Variants in MYO18B observed in about 807,000 individuals in gnomAD.
The protein encoded by MYO18B is unconventional myosin-XVIIIb.
A neutral mutation model predicts 273.0 loss-of-function variants in MYO18B; 204 were observed. The ratio of observed to expected loss-of-function variants is 0.75; its 90% CI spans 0.67 to 0.84. The LOEUF (loss-of-function observed/expected upper bound fraction) is 0.84, where lower values mean the gene tolerates loss of function less well. Among genes scored for constraint, MYO18B ranks in the 40% least tolerant of loss-of-function variants. The pLI is 0.00. For missense variants in MYO18B, 3,212 were observed against 3,287.6 expected (o/e 0.98, Z 0.56); for synonymous variants, 1,330 against 1,305.7 (o/e 1.02, Z -0.40).
intron 25 of MYO18B, among the ~76,000 whole-genome samples, chr22:25,880,501 G>A (rs2091306616): frequency 6.6e-6 from 1 of 152,106 alleles, no homozygotes; most frequent in South Asian, 2.1e-4. Flanking sequence ...CCCTAGGTAA[G>A]TGTTTTACAT....
At position 25,768,187 on chromosome 22, in the gene MYO18B, T is replaced by C. The variant is rs2086573813; in HGVS notation, c.271T>C (p.Ser91Pro). Reference protein sequence around the residue: ...SGTRSGSQQISQDDQSSSPGS... With the variant: ...SGTRSGSQQIPQDDQSSSPGS... ...CACCAGATCTGGAAGCCAGCAGATC[T>C]CTCAGGACGACCAGTCAAGCTCTCC... is the stretch of plus-strand genomic sequence containing the variant. The change falls in exon 4 of 44, where the codon TCT becomes CCT. Residue 91 changes from serine (S) to proline (P), a missense_variant. Ser to Pro is a moderately conservative substitution (Grantham distance 74, BLOSUM62 -1). Transcript: ENST00000335473. 6.2e-7 allele frequency: 1 copy of C among 1,613,646 alleles called. No individual in the cohort carries two copies. The highest frequency in any genetic ancestry group is 8.5e-7 in the Non-Finnish European group (1 of 1,179,830).
intron 39 of MYO18B, among the ~76,000 whole-genome samples, chr22:25,978,592 C>G (rs2093117823): frequency 6.6e-6 from 1 of 152,186 alleles, no homozygotes; most frequent in Non-Finnish European, 1.5e-5. Flanking sequence ...AGAGATTCCT[C>G]CTTGGAGGCT....
chr22:25,902,705 G>A lies in MYO18B; in HGVS notation c.4916G>A (p.Trp1639Ter). The change falls in exon 30 of 44, where the codon TGG becomes TAG. Residue 1639 changes from tryptophan (W) to a stop codon, truncating the protein, a stop_gained. Coordinates refer to ENST00000335473, the MANE Select transcript of MYO18B (RefSeq NM_032608.7). LOFTEE classifies it high-confidence loss of function. ...ACCCAGGAGAACACCAGTGTCCGGT[G>A]GGAGCTAGGCCAGCTTCAGCAGCAG... ...KVTQENTSVR[W>*]ELGQLQQQLK... The A allele has an allele frequency of 6.3e-7, 1 of 1,590,724 alleles. No individual in the cohort carries two copies. The highest frequency in any genetic ancestry group is 8.6e-7 in the Non-Finnish European group (1 of 1,168,126).
chr22:25,812,893 A>G (rs1388116565), intron 12 of MYO18B, among the ~76,000 whole-genome samples: 2 of 152,138 alleles, frequency 1.3e-5, no homozygotes, highest in African/African-American at 2.4e-5. Flanking sequence ...GACTCGAATC[A>G]TGGTCACCTG....
intron 36 of MYO18B, among the ~76,000 whole-genome samples, chr22:25,948,527 T>C (rs9306418): frequency 0.012 from 1,283 of 110,246 alleles, 41 homozygotes; most frequent in African/African-American, 0.017. Flanking sequence ...CTTCTTTCTT[T>C]CTTCCTTCCT....
intron 12 of MYO18B, among the ~76,000 whole-genome samples, chr22:25,814,389 G>A (rs567249372): frequency 7.0e-5 from 9 of 128,792 alleles, no homozygotes; most frequent in East Asian, 4.7e-4. Context: ...GCACGATCTC[G>A]GCCCTCTGCA....
chr22:25,949,525 G>A (rs148301693), intron 36 of MYO18B, among the ~76,000 whole-genome samples: 1 of 152,304 alleles, frequency 6.6e-6, no homozygotes, highest in East Asian at 1.9e-4. Flanking sequence ...CCATCCAGAG[G>A]AGAGCCGGGG....
At chr22:25,873,086 A>G (rs1201227737) in intron 22 of MYO18B, among the ~76,000 whole-genome samples, 1 of 152,174 alleles carries the variant, frequency 6.6e-6, no homozygotes, top group Non-Finnish European at 1.5e-5. Context: ...CCTGGCCCAG[A>G]AGCTTCAGGT....
At chr22:25,970,167 TACC>T (rs1347840774) in intron 39 of MYO18B, among the ~76,000 whole-genome samples, 1 of 151,886 alleles carries the variant, frequency 6.6e-6, no homozygotes, top group Non-Finnish European at 1.5e-5. Flanking sequence ...TCACCATCAT[TACC>T]ACCACCACCA....
At chr22:25,770,200 T>C in intron 5 of MYO18B, 24 bp downstream of exon 5, 8 of 1,612,208 alleles carry the variant, frequency 5.0e-6, no homozygotes, top group East Asian at 2.2e-5. Flanking sequence ...TTAGCACCTT[T>C]GGAGGGTCTG....
At chr22:25,790,959 A>G (rs1020887763) in intron 11 of MYO18B, among the ~76,000 whole-genome samples, 1 of 152,162 alleles carries the variant, frequency 6.6e-6, no homozygotes, top group African/African-American at 2.4e-5. Context: ...TCAGTGGGTG[A>G]ACTCACTCAA....
chr22:25,999,540 TCTTCCC>T (rs1269193328), intron 40 of MYO18B, among the ~76,000 whole-genome samples: 7 of 15,844 alleles, frequency 4.4e-4, no homozygotes, highest in African/African-American at 8.3e-4. Flanking sequence ...CTCCTCCCCC[TCTTCCC>T]CCTCCCCCTC....
intron 8 of MYO18B, among the ~76,000 whole-genome samples, chr22:25,778,607 GTAGC>G (rs1249166800): frequency 6.6e-6 from 1 of 151,978 alleles, no homozygotes; most frequent in African/African-American, 2.4e-5. Flanking sequence ...AGCCTCCTGA[GTAGC>G]TGGGACTACA....
chr22:25,977,596 G>C (rs932100731), intron 39 of MYO18B, among the ~76,000 whole-genome samples: 1 of 152,142 alleles, frequency 6.6e-6, no homozygotes, highest in East Asian at 1.9e-4. Flanking sequence ...CAATAGTTTG[G>C]CTAGTAGAGT....
At chr22:25,864,696 G>A (rs2090836969) in intron 21 of MYO18B, among the ~76,000 whole-genome samples, 1 of 152,156 alleles carries the variant, frequency 6.6e-6, no homozygotes, top group African/African-American at 2.4e-5. Flanking sequence ...TCTGTAAAAT[G>A]GGCATGAATT....
intron 22 of MYO18B, among the ~76,000 whole-genome samples, chr22:25,873,955 C>T (rs952993097): frequency 6.6e-6 from 1 of 152,196 alleles, no homozygotes; most frequent in South Asian, 2.1e-4. Context: ...GCACAGGAAT[C>T]CCCGGGGGAT....
intron 39 of MYO18B, among the ~76,000 whole-genome samples, chr22:25,972,420 C>G (rs1601724024): frequency 2.0e-5 from 3 of 152,298 alleles, no homozygotes; most frequent in African/African-American, 7.2e-5. Flanking sequence ...TACCTCATGT[C>G]ATTTAATTCT....
At chr22:25,956,056 G>C (rs1316857113) in intron 39 of MYO18B, among the ~76,000 whole-genome samples, 2 of 152,172 alleles carry the variant, frequency 1.3e-5, no homozygotes, top group Non-Finnish European at 2.9e-5. Context: ...AAACTGACAC[G>C]TGGAGATATC....
intron 39 of MYO18B, among the ~76,000 whole-genome samples, chr22:25,969,594 G>T (rs2093014801): frequency 6.6e-6 from 1 of 152,084 alleles, no homozygotes; most frequent in East Asian, 1.9e-4. Flanking sequence ...TATACTACCT[G>T]GTCCTTTACA....
Sources: gnomAD v4.1 joint callset for allele counts (sites outside exome capture counted in the v4.1 genomes callset) on GRCh38, gnomAD v4.1.1 for gene constraint, MANE v1.5 for transcripts, NCBI Gene and HGNC (gene_info 2026-07-23, HGNC 2026-07-21) for gene names.